Variants in PLA2G4C observed in about 807,000 individuals in gnomAD.
PLA2G4C encodes phospholipase A2 group IVC, also known as cytosolic phospholipase A2 gamma.
In PLA2G4C, 64 loss-of-function variants were observed where a neutral mutation model predicts 73.8. The ratio of observed to expected loss-of-function variants is 0.87; its 90% confidence interval spans 0.71 to 1.07. The LOEUF (loss-of-function observed/expected upper bound fraction) is 1.07. Ranked by LOEUF, PLA2G4C falls within the 50% of genes least tolerant of loss-of-function variation. The probability of loss-of-function intolerance (pLI) is 0.00; values close to 1 mark genes in which losing one functional copy is unlikely to be tolerated. For synonymous variants in PLA2G4C, 254 were observed against 252.1 expected (o/e 1.01, Z -0.07); for missense variants, 622 against 665.4 (o/e 0.93, Z 0.72).
chr19:48,105,936 TCCCTCCCTCCC>T lies in PLA2G4C; in HGVS notation c.9-503_9-493del, dbSNP rs2032198303. Among the ~76,000 whole-genome samples, 8 of 31,698 alleles carry T rather than the reference TCCCTCCCTCCC, an allele frequency of 2.5e-4. 1 individual carries two copies. Among genetic ancestry groups the T allele is most frequent in the African/African-American group, 1.1e-3 (5 of 4,414 alleles). The allele number at this position is 31,698 out of a possible 152,430, so 20.8% of individuals were successfully genotyped here. A position where few individuals can be genotyped will look rare whatever the true frequency, so the allele number is the denominator to read the frequency against. ...CTCCCTCCCTCCCTCCCTCCCTCCC[TCCCTCCCTCCC>T]TTCTTTCTTTCTTTCTTTCTTTCTT... is the stretch of plus-strand genomic sequence containing the variant. On this transcript the variant is annotated intron_variant, in intron 2 of 16. Transcript: ENST00000599921.
At chr19:48,081,939 G>A (rs1484563238) in intron 10 of PLA2G4C, among the ~76,000 whole-genome samples, 1 of 151,788 alleles carries the variant, frequency 6.6e-6, no homozygotes, top group Non-Finnish European at 1.5e-5. Flanking sequence ...AAATTAGCCG[G>A]GCATGGTGGT....
intron 13 of PLA2G4C, among the ~76,000 whole-genome samples, chr19:48,064,592 A>G (rs1256577334): frequency 2.0e-5 from 3 of 152,166 alleles, no homozygotes; most frequent in Non-Finnish European, 4.4e-5. Flanking sequence ...CTGTTCCCTT[A>G]ACCATAACCA....
intron 12 of PLA2G4C, among the ~76,000 whole-genome samples, chr19:48,068,731 TAAAAAAA>T (rs532183992): frequency 2.0e-5 from 2 of 97,796 alleles, no homozygotes; most frequent in Non-Finnish European, 4.3e-5. Flanking sequence ...ACCTTGTATC[TAAAAAAA>T]AAAAAAAAAG....
At chr19:48,065,351 T>A (rs1968372895) in intron 13 of PLA2G4C, among the ~76,000 whole-genome samples, 2 of 151,962 alleles carry the variant, frequency 1.3e-5, no homozygotes, top group African/African-American at 4.8e-5. Flanking sequence ...CTCACACCTG[T>A]GCACCTATAA....
intron 16 of PLA2G4C, among the ~76,000 whole-genome samples, chr19:48,051,181 C>A (rs897808977): frequency 2.0e-5 from 3 of 152,130 alleles, no homozygotes; most frequent in African/African-American, 4.8e-5. Context: ...CCAAGGAATG[C>A]GGGTGGCCCC....
chr19:48,081,524 G>A (rs950106182), intron 10 of PLA2G4C, among the ~76,000 whole-genome samples: 1 of 151,974 alleles, frequency 6.6e-6, no homozygotes, highest in Non-Finnish European at 1.5e-5. Context: ...TTGGGAGGCC[G>A]AGGCAGGTGG....
At chr19:48,051,871 A>ATTTTTTTTTTTTTTTTTTTTT (rs751616521) in intron 16 of PLA2G4C, 1 of 119,042 alleles carries the variant, frequency 8.4e-6, no homozygotes. Context: ...TTTCAGCTTA[A>ATTTTTTTTTTTTTTTTTTTTT]TTTTTTTTTT....
Position 48,099,691 on chromosome 19 carries a change from T to C in PLA2G4C, c.427A>G (p.Ile143Val), listed in dbSNP as rs2303744. 0.24 allele frequency: 386,125 copies of C among 1,612,806 alleles called. 51,445 individuals are homozygous for C. Among genetic ancestry groups the C allele is most frequent in the East Asian group, 0.59 (26,494 of 44,822 alleles). Reference sequence around the variant, plus strand: ...CTTACTTCTCTGGTTTGCTTAGAGATAACCATGTAGGCCCAGAAGTCGGTC... The same window carrying C: ...CTTACTTCTCTGGTTTGCTTAGAGACAACCATGTAGGCCCAGAAGTCGGTC... ...SLTDFWAYMVISKQTRELPES... is the reference protein window; with the variant it reads ...SLTDFWAYMVVSKQTRELPES... Residue 143 changes from isoleucine to valine, a missense_variant, in exon 5 of 17, where the codon ATC becomes GTC. By Grantham distance (29) the Ile-to-Val change is conservative. Transcript: ENST00000599921.
chr19:48,109,538 C>T (rs1443262576), intron 1 of PLA2G4C, among the ~76,000 whole-genome samples: 2 of 152,160 alleles, frequency 1.3e-5, no homozygotes, highest in Non-Finnish European at 2.9e-5. Context: ...TCCCAAAACG[C>T]TGGGATTATA....
At chr19:48,092,999 T>G (rs1363445823) in intron 7 of PLA2G4C, among the ~76,000 whole-genome samples, 2 of 152,120 alleles carry the variant, frequency 1.3e-5, no homozygotes, top group Admixed American at 1.3e-4. Flanking sequence ...CAGAATCCCT[T>G]CAGTAGGTGA....
At chr19:48,065,588 G>A (rs932259268) in intron 13 of PLA2G4C, among the ~76,000 whole-genome samples, 24 of 151,018 alleles carry the variant, frequency 1.6e-4, no homozygotes, top group Admixed American at 1.1e-3. Context: ...AGACTCCATC[G>A]CAAAATAAAT....
At chr19:48,068,722 C>T (rs1294149305) in intron 12 of PLA2G4C, among the ~76,000 whole-genome samples, 1 of 144,840 alleles carries the variant, frequency 6.9e-6, no homozygotes, top group Non-Finnish European at 1.5e-5. Context: ...ACAAGGGAGA[C>T]CTTGTATCTA....
chr19:48,092,029 C>T (rs2031334033), intron 7 of PLA2G4C, among the ~76,000 whole-genome samples: 1 of 151,778 alleles, frequency 6.6e-6, no homozygotes, highest in East Asian at 1.9e-4. Flanking sequence ...AATGGTACAG[C>T]CACTGTGGAA....
At chr19:48,077,583 G>A (rs2030249489) in intron 11 of PLA2G4C, among the ~76,000 whole-genome samples, 188 bp downstream of exon 11, 1 of 152,172 alleles carries the variant, frequency 6.6e-6, no homozygotes, top group Admixed American at 6.5e-5. Context: ...CAGAGTGTCA[G>A]TTTGAACTCC....
rs917742817 is a variant in PLA2G4C, at chr19:48,086,354, C to T, written c.791-1242G>A. Among the ~76,000 whole-genome samples the T allele has an allele frequency of 5.6e-4, 85 of 152,230 alleles. 1 individual carries two copies. Among genetic ancestry groups the T allele is most frequent in the African/African-American group, 1.9e-3 (79 of 41,542 alleles). On this transcript the variant is annotated intron_variant, in intron 9 of 16. Transcript: ENST00000599921. Reference sequence around the variant, plus strand: ...TACTGCCACCTGCCACTCCCCACTCCCTACACAAACTCTTCTGTGCAGCAG... The same window carrying T: ...TACTGCCACCTGCCACTCCCCACTCTCTACACAAACTCTTCTGTGCAGCAG...
chr19:48,093,901 C>T (rs1218489282), intron 7 of PLA2G4C, among the ~76,000 whole-genome samples: 1 of 152,164 alleles, frequency 6.6e-6, no homozygotes, highest in African/African-American at 2.4e-5. Flanking sequence ...TCTTCTTTGG[C>T]TTGCTCTTCT....
rs1967786120 is a variant in PLA2G4C, at chr19:48,053,059, T to C, written c.1518A>G (p.Leu506=). 6.2e-7 allele frequency: 1 copy of C among 1,612,258 alleles called. No homozygotes were observed. Among genetic ancestry groups the C allele is most frequent in the Non-Finnish European group, 8.5e-7 (1 of 1,178,452 alleles). Residue 506 remains leucine (L), a synonymous_variant, in exon 16 of 17, where the codon TTA becomes TTG. Transcript: ENST00000599921. The stretch of plus-strand genomic sequence containing the variant: ...TGTTTTCCCTGACATTCTTCTTGGC[T>C]AATGCCAAGAGTAGCACCACCACAT... ...TLDVVVLLLA[L]AKKNVRENKK...
intron 12 of PLA2G4C, among the ~76,000 whole-genome samples, chr19:48,069,707 T>C (rs1468310033): frequency 1.3e-5 from 2 of 152,178 alleles, no homozygotes; most frequent in South Asian, 2.1e-4. Context: ...TTGAGCTAGA[T>C]GCTGATTTGA....
chr19:48,098,893 C>T (rs1404448938), intron 5 of PLA2G4C, among the ~76,000 whole-genome samples: 1 of 150,070 alleles, frequency 6.7e-6, no homozygotes, highest in African/African-American at 2.5e-5. Flanking sequence ...CAGAGTGAAA[C>T]CCTGTCTCAA....
Sources: gnomAD v4.1 joint callset for allele counts (sites outside exome capture counted in the v4.1 genomes callset) on GRCh38, gnomAD v4.1.1 for gene constraint, MANE v1.5 for transcripts, NCBI Gene and HGNC (gene_info 2026-07-23, HGNC 2026-07-21) for gene names.